The following CUL2 variants were observed in gnomAD, a reference collection of about 807,000 sequenced individuals.
CUL2 encodes the protein cullin-2.
In CUL2, 22 loss-of-function variants were observed where a neutral mutation model predicts 110.2. The ratio of observed to expected loss-of-function variants is 0.20; its 90% CI spans 0.14 to 0.28. The LOEUF (loss-of-function observed/expected upper bound fraction) is 0.28, where lower values mean the gene tolerates loss of function less well. Ranked by LOEUF, CUL2 falls within the 10% of genes least tolerant of loss-of-function variation. The probability of loss-of-function intolerance (pLI) is 1.00; values close to 1 mark genes in which losing one functional copy is unlikely to be tolerated. For synonymous variants in CUL2, 279 were observed against 293.2 expected, an observed-to-expected ratio of 0.95 and a Z score of 0.49; for missense variants, 631 against 905.5, an observed-to-expected ratio of 0.70 and a Z score of 3.89.
intron 6 of CUL2, among the ~76,000 whole-genome samples, chr10:35,049,266 C>T (rs2086028712): frequency 6.6e-6 from 1 of 152,158 alleles, no homozygotes; most frequent in African/African-American, 2.4e-5. Context: ...TTGATTATAA[C>T]ACTGAGGCTA....
intron 1 of CUL2, among the ~76,000 whole-genome samples, chr10:35,083,607 C>T (rs577142020): frequency 1.3e-5 from 2 of 152,300 alleles, no homozygotes; most frequent in South Asian, 4.1e-4. Flanking sequence ...TGCTTTCCCC[C>T]CACAAAGAGG....
At chr10:35,055,739 CTCT>C (rs2086225817) in intron 4 of CUL2, among the ~76,000 whole-genome samples, 1 of 148,500 alleles carries the variant, frequency 6.7e-6, no homozygotes, top group African/African-American at 2.4e-5. Context: ...CAAGATCATA[CTCT>C]TTTTTTTCCC....
intron 1 of CUL2, among the ~76,000 whole-genome samples, chr10:35,123,858 T>G (rs777035591): frequency 6.6e-6 from 1 of 152,248 alleles, no homozygotes. Flanking sequence ...GTATAAATTT[T>G]AGAATTATCT....
chr10:35,068,774 A>C (rs1486063090), intron 2 of CUL2, among the ~76,000 whole-genome samples: 1 of 152,204 alleles, frequency 6.6e-6, no homozygotes, highest in East Asian at 1.9e-4. Context: ...TTTCCACTTA[A>C]GATATTAAGG....
chr10:35,049,109 G>A (rs1043848475), intron 6 of CUL2, among the ~76,000 whole-genome samples: 17 of 152,152 alleles, frequency 1.1e-4, no homozygotes, highest in Non-Finnish European at 2.4e-4. Context: ...ATCCAAGGAT[G>A]TTCTATTCTA....
intron 1 of CUL2, among the ~76,000 whole-genome samples, chr10:35,084,935 T>C (rs777797865): frequency 6.6e-6 from 1 of 151,290 alleles, no homozygotes; most frequent in Non-Finnish European, 1.5e-5. Flanking sequence ...CTGGCCAACA[T>C]GGTGAAACCC....
At chr10:35,074,061 T>C (rs1461232389) in intron 1 of CUL2, 3 of 881,208 alleles carry the variant, frequency 3.4e-6, no homozygotes, top group Non-Finnish European at 1.8e-6. Flanking sequence ...CTCACTAACA[T>C]GCTTGGTGAA....
intron 2 of CUL2, among the ~76,000 whole-genome samples, chr10:35,070,458 T>A (rs2086649274): frequency 6.6e-6 from 1 of 152,230 alleles, no homozygotes; most frequent in East Asian, 1.9e-4. Flanking sequence ...GTACGCCCCA[T>A]ATAATGAGGG....
upstream of CUL2, among the ~76,000 whole-genome samples, chr10:35,093,995 A>T (rs1236347398): frequency 2.0e-5 from 3 of 152,090 alleles, no homozygotes; most frequent in Non-Finnish European, 2.9e-5. Context: ...TAATTTAAAA[A>T]TTTTTATCCT....
At chr10:35,013,312 T>C (rs1472266996) in intron 19 of CUL2, among the ~76,000 whole-genome samples, 5 of 140,576 alleles carry the variant, frequency 3.6e-5, no homozygotes, top group African/African-American at 1.1e-4. Context: ...ACCACTGCAC[T>C]CCAGCCTGGG....
At chr10:35,013,862 T>C in intron 18 of CUL2, 62 bp from the exon 19 acceptor site, 2 of 1,166,128 alleles carry the variant, frequency 1.7e-6, no homozygotes, top group South Asian at 4.5e-5. Context: ...AAGAGTTTGC[T>C]GCAAGCAATT....
chr10:35,094,957 A>T (rs1467095961), upstream of CUL2, among the ~76,000 whole-genome samples: 2 of 152,126 alleles, frequency 1.3e-5, no homozygotes, highest in Admixed American at 1.3e-4. Context: ...CTAATGCTAC[A>T]TTTTACAAAA....
intron 9 of CUL2, among the ~76,000 whole-genome samples, chr10:35,038,369 C>T (rs1433195052): frequency 6.7e-6 from 1 of 150,042 alleles, no homozygotes; most frequent in Non-Finnish European, 1.5e-5. Flanking sequence ...ACTAAAAGTA[C>T]AAAAAAATTA....
chr10:35,046,649 T>C (rs572330351), intron 6 of CUL2, among the ~76,000 whole-genome samples: 2 of 152,090 alleles, frequency 1.3e-5, no homozygotes, highest in Non-Finnish European at 2.9e-5. Context: ...CCCAGCACTT[T>C]AGGAGGCTGA....
chr10:35,047,037 C>G (rs926547636), intron 6 of CUL2, among the ~76,000 whole-genome samples: 1 of 152,212 alleles, frequency 6.6e-6, no homozygotes, highest in Non-Finnish European at 1.5e-5. Context: ...AGAAGCATAT[C>G]TTGATAAAAT....
At chr10:35,087,984 C>T (rs1461990261) in intron 1 of CUL2, among the ~76,000 whole-genome samples, 1 of 152,196 alleles carries the variant, frequency 6.6e-6, no homozygotes, top group East Asian at 1.9e-4. Flanking sequence ...AGTTTGATAG[C>T]ACCTCAGGGT....
chr10:35,009,201 T>TATTATATA lies in CUL2; in HGVS notation c.*1109_*1110insTATATAAT, dbSNP rs1554851929. On this transcript the variant is annotated 3_prime_UTR_variant, in exon 21 of 21. Transcript: ENST00000374749. ...CTGTTGAGATATATATATATATATATTATATATATATATATATATAAAATA... is the reference window on the plus strand; with the variant it reads ...CTGTTGAGATATATATATATATATATATTATATATATATATATATATATATATAAAATA... 14 of 137,896 alleles carry TATTATATA rather than the reference T, an allele frequency of 1.0e-4. No individual in the cohort carries two copies. The highest frequency in any genetic ancestry group is 4.2e-4 in the East Asian group (2 of 4,776). The allele number at this position is 137,896 out of a possible 1,614,324, so 8.5% of individuals were successfully genotyped here.
chr10:35,021,769 C>T (rs4934530), intron 17 of CUL2, among the ~76,000 whole-genome samples: 22,084 of 148,032 alleles, frequency 0.15, 1,887 homozygotes, highest in East Asian at 0.24. Context: ...GCTGTGATCG[C>T]GCACCTCCAC....
chr10:35,083,928 G>C (rs2086999373), intron 1 of CUL2, among the ~76,000 whole-genome samples: 1 of 152,064 alleles, frequency 6.6e-6, no homozygotes, highest in African/African-American at 2.4e-5. Context: ...CTACAATAGA[G>C]AAAGACTAAG....
Sources: allele counts gnomAD v4.1 joint callset (sites outside exome capture counted in the v4.1 genomes callset), GRCh38; gene constraint gnomAD v4.1.1; transcripts MANE v1.5; gene names NCBI Gene and HGNC (gene_info 2026-07-23, HGNC 2026-07-21).